RANBP10: variants seen among roughly 807,000 people sequenced by gnomAD.
The protein encoded by RANBP10 is ran-binding protein 10.
In RANBP10, 24 loss-of-function variants were observed where a neutral mutation model predicts 72.8. The ratio of observed to expected loss-of-function variants is 0.33; its 90% CI spans 0.24 to 0.46. The LOEUF (loss-of-function observed/expected upper bound fraction) is 0.46. RANBP10 is among the 20% of genes least tolerant of loss of function. The pLI is 1.00. For synonymous variants in RANBP10, 310 were observed against 322.3 expected (o/e 0.96, Z 0.41); for missense variants, 679 against 817.5 (o/e 0.83, Z 2.07).
chr16:67,797,487 A>G (rs568208560), intron 2 of RANBP10, among the ~76,000 whole-genome samples: 2 of 152,312 alleles, frequency 1.3e-5, no homozygotes, highest in Non-Finnish European at 2.9e-5. Context: ...TAGGAAATAT[A>G]GCAAGACCCT....
rs771257496 is a variant in RANBP10, at chr16:67,730,160, T to C, written c.890-114A>G. 1.1e-6 allele frequency: 1 copy of C among 872,622 alleles called. No individual in the cohort carries two copies. Among genetic ancestry groups the C allele is most frequent in the Non-Finnish European group, 1.8e-6 (1 of 553,650 alleles). The allele number at this position is 872,622 out of a possible 1,614,324, so 54.1% of individuals were successfully genotyped here. ...GTCCGGCTCAGAGTGCCTCGCCAGC[T>C]TGAAATGCTCACAGGAGAGGAGGCT... is the stretch of plus-strand genomic sequence containing the variant. On this transcript the variant is annotated intron_variant, in intron 7 of 13. Coordinates refer to ENST00000317506, the MANE Select transcript of RANBP10 (RefSeq NM_020850.3). This position sits in a 1 kb window ranked among gnomAD's most constrained non-coding sequence, Gnocchi z 4.3.
chr16:67,780,762 G>T (rs150232256), intron 2 of RANBP10, among the ~76,000 whole-genome samples: 1 of 152,196 alleles, frequency 6.6e-6, no homozygotes, highest in Non-Finnish European at 1.5e-5. Flanking sequence ...TTTATTGGGT[G>T]GGGGAGGAGC....
intron 2 of RANBP10, among the ~76,000 whole-genome samples, chr16:67,800,816 A>G (rs9923121): frequency 0.032 from 4,879 of 152,192 alleles, 222 homozygotes; most frequent in African/African-American, 0.1. Context: ...CTAGTTACCC[A>G]TCAGACTCAT....
At chr16:67,728,259 G>T (rs1172580786) in intron 11 of RANBP10, 131 bp downstream of exon 11, 8 of 978,488 alleles carry the variant, frequency 8.2e-6, no homozygotes, top group African/African-American at 1.6e-5. Flanking sequence ...CGGCTAAGGA[G>T]GCTGTGGACC....
At chr16:67,767,006 T>C (rs2054515103) in intron 3 of RANBP10, among the ~76,000 whole-genome samples, 3 of 152,064 alleles carry the variant, frequency 2.0e-5, no homozygotes, top group Admixed American at 6.6e-5. Context: ...CAAAGACAAG[T>C]GCAATATCCA....
chr16:67,757,181 C>G (rs2054301443), intron 3 of RANBP10, among the ~76,000 whole-genome samples: 1 of 152,220 alleles, frequency 6.6e-6, no homozygotes, highest in Non-Finnish European at 1.5e-5. Flanking sequence ...GCACTCCAGT[C>G]TCACCAGGGA....
chr16:67,769,845 T>C (rs1234173312), intron 3 of RANBP10, among the ~76,000 whole-genome samples: 1 of 149,680 alleles, frequency 6.7e-6, no homozygotes, highest in Non-Finnish European at 1.5e-5. Context: ...GCAGAAGGAC[T>C]GCTTGAACGC....
At chr16:67,758,058 C>T (rs1199045074) in intron 3 of RANBP10, among the ~76,000 whole-genome samples, 2 of 152,188 alleles carry the variant, frequency 1.3e-5, no homozygotes, top group Non-Finnish European at 2.9e-5. Flanking sequence ...GGGCAAGGAA[C>T]AATACAGCTA....
chr16:67,766,017 T>C (rs1292719919), intron 3 of RANBP10, among the ~76,000 whole-genome samples: 1 of 151,800 alleles, frequency 6.6e-6, no homozygotes, highest in African/African-American at 2.4e-5. Flanking sequence ...CTCAGATAAA[T>C]AAATAAATAA....
intron 2 of RANBP10, among the ~76,000 whole-genome samples, chr16:67,783,905 G>A (rs531020960): frequency 5.3e-5 from 8 of 152,124 alleles, no homozygotes; most frequent in South Asian, 4.2e-4. Flanking sequence ...TTAGCCGGGC[G>A]TGCTGACGGG....
chr16:67,785,143 A>G (rs952872452), intron 2 of RANBP10, among the ~76,000 whole-genome samples: 3 of 151,036 alleles, frequency 2.0e-5, no homozygotes, highest in Admixed American at 6.6e-5. Context: ...ACCCTGGAAG[A>G]GGAGGTTGCA....
chr16:67,728,561 C>T (rs761925008), intron 10 of RANBP10, 50 bp from the exon 11 acceptor site: 2 of 1,612,746 alleles, frequency 1.2e-6, no homozygotes, highest in Admixed American at 3.3e-5. Context: ...GTGGTTGGAG[C>T]AGCCTGGTTG....
intron 4 of RANBP10, among the ~76,000 whole-genome samples, chr16:67,743,782 A>T (rs2054014624): frequency 6.6e-6 from 1 of 152,140 alleles, no homozygotes; most frequent in Admixed American, 6.6e-5. Context: ...TGGTTTCACC[A>T]GAAGCCTTTT....
intron 3 of RANBP10, chr16:67,763,483 GT>G (rs1298866946): frequency 1.3e-5 from 2 of 152,222 alleles, no homozygotes; most frequent in African/African-American, 4.8e-5. Flanking sequence ...AAGAACTCAG[GT>G]TTCTGGAAGT....
chr16:67,782,352 CCT>C (rs1310938271), intron 2 of RANBP10, among the ~76,000 whole-genome samples: 3 of 152,122 alleles, frequency 2.0e-5, no homozygotes, highest in Admixed American at 6.6e-5. Flanking sequence ...GTCTTGAACC[CCT>C]GAGCTCAAGC....
At chr16:67,752,737 G>C (rs1181551544) in intron 3 of RANBP10, among the ~76,000 whole-genome samples, 2 of 152,106 alleles carry the variant, frequency 1.3e-5, no homozygotes, top group African/African-American at 4.8e-5. Context: ...ACTGGCTGCT[G>C]CAGCAGCATG....
intron 3 of RANBP10, among the ~76,000 whole-genome samples, chr16:67,758,799 C>T (rs574644859): frequency 5.3e-4 from 81 of 152,260 alleles, no homozygotes; most frequent in South Asian, 2.3e-3. Context: ...ATTTGGAAGA[C>T]GAAAACAGGA....
chr16:67,727,693 A>T, intron 12 of RANBP10, 58 bp downstream of exon 12: 2 of 1,610,896 alleles, frequency 1.2e-6, no homozygotes, highest in Non-Finnish European at 1.7e-6. Flanking sequence ...TCCCAGAGCC[A>T]CCCTGCCCCC....
chr16:67,767,148 TAA>T (rs1284906552), intron 3 of RANBP10, among the ~76,000 whole-genome samples: 1 of 152,120 alleles, frequency 6.6e-6, no homozygotes, highest in Non-Finnish European at 1.5e-5. Flanking sequence ...CCAGAGAGGT[TAA>T]GTCTCATATT....
Sources: allele counts gnomAD v4.1 joint callset (sites outside exome capture counted in the v4.1 genomes callset), GRCh38; gene constraint gnomAD v4.1.1; non-coding constraint Gnocchi (gnomAD v3.1); transcripts MANE v1.5; gene names NCBI Gene and HGNC (gene_info 2026-07-23, HGNC 2026-07-21).